Variants in ZNF534 observed in about 807,000 individuals in gnomAD.
The protein encoded by ZNF534 is zinc finger protein 534.
ZNF534 carries 19 observed loss-of-function variants against 13.6 expected under a neutral mutation model. The ratio of observed to expected loss-of-function variants is 1.40; its 90% CI spans 0.97 to 2.05. The LOEUF is 2.05. ZNF534 is among the 30% of genes most tolerant of loss of function. The pLI is 0.00. For missense variants in ZNF534, 782 were observed against 796.3 expected (o/e 0.98, Z 0.22); for synonymous variants, 244 against 273.8 (o/e 0.89, Z 1.07).
At chr19:52,447,942 A>G (rs1229196566) in intron 4 of ZNF534, among the ~76,000 whole-genome samples, 1 of 151,488 alleles carries the variant, frequency 6.6e-6, no homozygotes, top group Non-Finnish European at 1.5e-5. Context: ...GGTTTCATAA[A>G]TTAAGTTGGG....
intron 2 of ZNF534, among the ~76,000 whole-genome samples, chr19:52,433,236 C>CAAAAA (rs1171627054): frequency 4.2e-4 from 27 of 64,588 alleles, no homozygotes; most frequent in East Asian, 1.1e-3. Context: ...GATCCTATCT[C>CAAAAA]AAAAAAAAAA....
chr19:52,435,259 A>G lies in ZNF534; in HGVS notation c.271+50A>G, dbSNP rs540941411. ...GAGGCCCCATAATTTTTGTATTTTG[A>G]GAAGGGTCTCACTCTGTCATCCAGG... On this transcript the variant is annotated intron_variant, in intron 4 of 4. Coordinates refer to ENST00000433050, the MANE Select transcript of ZNF534 (RefSeq NM_001143938.3). The G allele has an allele frequency of 2.9e-5, 45 of 1,553,550 alleles. No homozygotes were observed. In the African/African-American group the frequency reaches 5.6e-4, roughly 19 times the overall value.
downstream of ZNF534, among the ~76,000 whole-genome samples, chr19:52,443,082 C>T (rs1211929987): frequency 6.6e-6 from 1 of 152,130 alleles, no homozygotes; most frequent in African/African-American, 2.4e-5. Flanking sequence ...TGGTCACCTC[C>T]TCAATTGAAT....
At chr19:52,449,296 G>C (rs1351041253) in intron 4 of ZNF534, among the ~76,000 whole-genome samples, 2 of 152,158 alleles carry the variant, frequency 1.3e-5, no homozygotes, top group Non-Finnish European at 2.9e-5. Flanking sequence ...ATTGAGAACA[G>C]TGCTACAGTA....
intron 2 of ZNF534, among the ~76,000 whole-genome samples, chr19:52,432,805 T>A (rs1044922148): frequency 5.9e-5 from 9 of 151,998 alleles, no homozygotes; most frequent in Non-Finnish European, 1.2e-4. Context: ...GCTCATTTTT[T>A]GTATTTAGTA....
chr19:52,430,873 T>C (rs58787536), intron 1 of ZNF534, among the ~76,000 whole-genome samples: 23,310 of 149,824 alleles, frequency 0.16, 2,518 homozygotes, highest in African/African-American at 0.31. Flanking sequence ...TTTTTTAAGA[T>C]GGAGTTTCAC....
At chr19:52,436,165 C>T (rs961409843) in intron 4 of ZNF534, among the ~76,000 whole-genome samples, 2 of 151,562 alleles carry the variant, frequency 1.3e-5, no homozygotes, top group Non-Finnish European at 2.9e-5. Flanking sequence ...TTCTCAATCT[C>T]CTGACCTCAT....
At chr19:52,449,286 A>G (rs1265117481) in intron 4 of ZNF534, among the ~76,000 whole-genome samples, 1 of 152,146 alleles carries the variant, frequency 6.6e-6, no homozygotes, top group East Asian at 1.9e-4. Context: ...TATCTTGGCT[A>G]TTGAGAACAG....
chr19:52,451,373 C>T (rs886256975), exon 5 of ZNF534: 37 of 925,580 alleles, frequency 4.0e-5, no homozygotes, highest in Non-Finnish European at 6.2e-5. Flanking sequence ...GCGAGGCTCA[C>T]GGCAGAGGGC....
At chr19:52,437,327 T>C (rs1396261031) in intron 4 of ZNF534, among the ~76,000 whole-genome samples, 1 of 152,136 alleles carries the variant, frequency 6.6e-6, no homozygotes, top group Non-Finnish European at 1.5e-5. Context: ...ATACAAAGTA[T>C]GCTGATACTG....
intron 4 of ZNF534, among the ~76,000 whole-genome samples, chr19:52,437,480 T>C (rs896120982): frequency 6.6e-6 from 1 of 152,166 alleles, no homozygotes. Flanking sequence ...TAGCCAGGCA[T>C]GGTGGCAGGC....
At chr19:52,434,939 G>A (rs1385434547) in intron 3 of ZNF534, 142 bp from the exon 4 acceptor site, 9 of 1,050,248 alleles carry the variant, frequency 8.6e-6, no homozygotes, top group African/African-American at 1.6e-5. Flanking sequence ...TGTTCCCTTA[G>A]CATTCAGAAG....
chr19:52,449,625 T>C lies in ZNF534; in HGVS notation c.272-1562T>C, dbSNP rs569668092. Among the ~76,000 whole-genome samples, 66 of 152,276 alleles carry C rather than the reference T, an allele frequency of 4.3e-4. 1 individual carries two copies. Among genetic ancestry groups the C allele is most frequent in the African/African-American group, 1.6e-3 (66 of 41,560 alleles). Reference sequence around the variant, plus strand: ...GTTTTGATTTGCATTTACCTGATGATTAGTGATGTTGAGCATTTTTTCATA... The same window carrying C: ...GTTTTGATTTGCATTTACCTGATGACTAGTGATGTTGAGCATTTTTTCATA... On this transcript the variant is annotated intron_variant, in intron 4 of 4. Transcript: ENST00000301085.
rs771113031 is a variant in ZNF534, at chr19:52,438,018, T to C, written c.558T>C (p.Tyr186=). Residue 186 remains tyrosine (Y), a synonymous_variant, in exon 5 of 5, where the codon TAT becomes TAC. Coordinates refer to ENST00000433050, the MANE Select transcript of ZNF534 (RefSeq NM_001143938.3). ...AAGTACACATTAGGGAAAAGCCTTA[T>C]GGATGTAATGAGCATGGGAAAGTCT... The part of the protein sequence containing the change: ...EQKVHIREKP[Y]GCNEHGKVFR... 1.2e-6 allele frequency: 2 copies of C among 1,614,158 alleles called. No homozygotes were observed. The highest frequency in any genetic ancestry group is 8.5e-7 in the Non-Finnish European group (1 of 1,180,034).
At chr19:52,432,770 T>C (rs1427368328) in intron 2 of ZNF534, among the ~76,000 whole-genome samples, 1 of 151,832 alleles carries the variant, frequency 6.6e-6, no homozygotes, top group Non-Finnish European at 1.5e-5. Flanking sequence ...GTAGCTGGGA[T>C]TACAGGTGCA....
downstream of ZNF534, among the ~76,000 whole-genome samples, chr19:52,445,757 CAGGACTCCACACACTACTGTCCA>C: frequency 6.9e-5 from 1 of 14,444 alleles, no homozygotes. Flanking sequence ...ATTCATGATG[CAGGACTCCACACACTACTGTCCA>C]TCTGAGTGGA....
intron 1 of ZNF534, among the ~76,000 whole-genome samples, chr19:52,429,694 CA>C (rs1467310379): frequency 6.6e-6 from 1 of 151,322 alleles, no homozygotes; most frequent in African/African-American, 2.4e-5. Flanking sequence ...CTCCCGGATT[CA>C]AGCGATTCTC....
Position 52,434,119 on chromosome 19 carries a change from T to C in ZNF534, c.142+38T>C, listed in dbSNP as rs1232547698. The C allele has an allele frequency of 5.0e-6, 8 of 1,589,914 alleles. No homozygotes were observed. In the African/African-American group the frequency reaches 1.1e-4, roughly 22 times the overall value. On this transcript the variant is annotated intron_variant, in intron 3 of 4. Transcript: ENST00000433050. ...TCCGTCCAGAAGCCTGCATCTGCTC[T>C]GGTATATCTTTTTGCATTTTCTCTT...
rs529292407 is a variant in ZNF534, at chr19:52,439,138, A to G, written c.1678A>G (p.Ser560Gly). The G allele has an allele frequency of 1.9e-6, 3 of 1,594,692 alleles. No individual in the cohort carries two copies. The Admixed American group carries it at 5.3e-5, about 28-fold the overall frequency. Residue 560 changes from serine (S) to glycine (G), a missense_variant, in exon 5 of 5, where the codon AGT (serine) becomes GGT (glycine). Coordinates refer to ENST00000433050, the MANE Select transcript of ZNF534 (RefSeq NM_001143938.3). The stretch of plus-strand genomic sequence containing the variant: ...TTGTAATGAATGTGGCAAGGTCTTC[A>G]GTCGGAATTCACACCTTGCGCGACA... ...YSCNECGKVF[S>G]RNSHLARHRN...
Sources: allele counts gnomAD v4.1 joint callset (sites outside exome capture counted in the v4.1 genomes callset), GRCh38; gene constraint gnomAD v4.1.1; transcripts MANE v1.5; gene names NCBI Gene and HGNC (gene_info 2026-07-23, HGNC 2026-07-21).